The following PRPF18 variants were observed in gnomAD, a reference collection of about 807,000 sequenced individuals.
PRPF18 encodes pre-mRNA processing factor 18.
Under a neutral mutation model 46.5 loss-of-function variants are expected in PRPF18, and 38 were observed. That is an observed-to-expected ratio of 0.82 (90% CI 0.63 to 1.07). The LOEUF is 1.07. PRPF18 is among the 50% of genes least tolerant of loss of function. The probability of loss-of-function intolerance (pLI) is 0.00; values close to 1 mark genes in which losing one functional copy is unlikely to be tolerated. For missense variants in PRPF18, 263 were observed against 410.0 expected, an observed-to-expected ratio of 0.64 and a Z score of 3.10; for synonymous variants, 152 against 146.7, an observed-to-expected ratio of 1.04 and a Z score of -0.26.
intron 2 of PRPF18, among the ~76,000 whole-genome samples, chr10:13,598,011 G>A (rs1283692292): frequency 1.3e-5 from 2 of 152,050 alleles, no homozygotes; most frequent in African/African-American, 2.4e-5. Flanking sequence ...TTGTTAATAC[G>A]TCCTTTTGGG....
intron 1 of PRPF18, among the ~76,000 whole-genome samples, chr10:13,595,260 C>T (rs971694080): frequency 1.3e-5 from 2 of 152,168 alleles, no homozygotes; most frequent in Admixed American, 1.3e-4. Context: ...GAAAGAGCCT[C>T]TGTGGACCAC....
intron 8 of PRPF18, among the ~76,000 whole-genome samples, 170 bp downstream of exon 8, chr10:13,614,256 G>C (rs1296455568): frequency 6.6e-6 from 1 of 152,194 alleles, no homozygotes; most frequent in Non-Finnish European, 1.5e-5. Context: ...CAGCTTTACT[G>C]TTAGGCAGTG....
chr10:13,604,402 A>G (rs577095265), intron 3 of PRPF18, among the ~76,000 whole-genome samples: 1 of 152,362 alleles, frequency 6.6e-6, no homozygotes, highest in Admixed American at 6.5e-5. Flanking sequence ...TGTTAGGGCA[A>G]TATATGTTTG....
chr10:13,652,030 A>T, the PRPF18 span: 5 of 901,758 alleles, frequency 5.5e-6, no homozygotes, highest in Admixed American at 8.5e-5. Context: ...ACAGAGAGAC[A>T]CTGACACAGA....
chr10:13,600,107 G>A lies in PRPF18; in HGVS notation c.145-137G>A. 4.7e-6 allele frequency: 3 copies of A among 639,064 alleles called. No homozygotes were observed. The South Asian group carries it at 7.2e-5, about 15-fold the overall frequency. 39.6% of individuals were successfully genotyped at this position (639,064 alleles called of 1,614,324 possible). A position where few individuals can be genotyped will look rare whatever the true frequency, so the allele number is the denominator to read the frequency against. ...TTTTGTAAGCATGTACACTTATTGT[G>A]AGCTCTTTGCTCAGAGGAATATTAG... On this transcript the variant is annotated intron_variant, in intron 2 of 9. Coordinates refer to ENST00000378572, the MANE Select transcript of PRPF18 (RefSeq NM_003675.4).
chr10:13,647,106 C>G, the PRPF18 span: 1 of 218,922 alleles, frequency 4.6e-6, no homozygotes, highest in Non-Finnish European at 7.8e-6. Flanking sequence ...CAGGCCTGCA[C>G]TGAGAAGGAT....
chr10:13,610,482 T>A (rs2080254902), intron 5 of PRPF18, among the ~76,000 whole-genome samples: 1 of 152,236 alleles, frequency 6.6e-6, no homozygotes. Flanking sequence ...ACATAAATGA[T>A]GTTATGCTGT....
chr10:13,614,106 T>C lies in PRPF18; in HGVS notation c.792+20T>C. 2 of 1,519,296 alleles carry C rather than the reference T, an allele frequency of 1.3e-6. No individual in the cohort carries two copies. The highest frequency in any genetic ancestry group is 9.0e-7 in the Non-Finnish European group (1 of 1,115,288). 94.1% of individuals were successfully genotyped at this position (1,519,296 alleles called of 1,614,324 possible). A position where few individuals can be genotyped will look rare whatever the true frequency, so the allele number is the denominator to read the frequency against. On this transcript the variant is annotated intron_variant, in intron 8 of 9. Transcript: ENST00000378572. ...GTGAAGGTACATTCCCATGCTGTTC[T>C]TTGAAATTGTTAAGAGTATATCTAG...
At chr10:13,651,696 C>T in the PRPF18 span, 1 of 575,244 alleles carries the variant, frequency 1.7e-6, no homozygotes, top group Non-Finnish European at 3.1e-6. Flanking sequence ...CTCTGGGGGT[C>T]TTTTCTGGGA....
intron 9 of PRPF18, among the ~76,000 whole-genome samples, chr10:13,619,867 C>G (rs2080398427): frequency 1.3e-5 from 2 of 151,662 alleles, no homozygotes; most frequent in African/African-American, 4.9e-5. Flanking sequence ...AAAGTATTCT[C>G]CTATTTTTAA....
rs1212189888 is a variant in PRPF18 at position 13,616,386 on chromosome 10, C to CT, written c.793-9dup. 1.9e-6 allele frequency: 3 copies of CT among 1,597,764 alleles called. No homozygotes were observed. Among genetic ancestry groups the CT allele is most frequent in the Non-Finnish European group, 2.6e-6 (3 of 1,169,764 alleles). ...TTCGCCTTTCTGATTTCTTCTTACA[C>CT]TTTCCTTTCAGGCAAATGATGCTTA... On this transcript the variant is annotated splice_polypyrimidine_tract_variant and intron_variant, in intron 8 of 9. Coordinates refer to ENST00000378572, the MANE Select transcript of PRPF18 (RefSeq NM_003675.4).
intron 1 of PRPF18, among the ~76,000 whole-genome samples, chr10:13,596,272 T>C (rs1286075278): frequency 6.6e-6 from 1 of 152,214 alleles, no homozygotes; most frequent in East Asian, 1.9e-4. Flanking sequence ...ATTCCTCTCT[T>C]CCCTACATTT....
At chr10:13,647,017 A>T in the PRPF18 span, 1 of 972,992 alleles carries the variant, frequency 1.0e-6, no homozygotes. Flanking sequence ...AATCCAGGAA[A>T]CAGCTATCAT....
intron 9 of PRPF18, among the ~76,000 whole-genome samples, chr10:13,618,377 C>G (rs2080374652): frequency 6.6e-6 from 1 of 151,932 alleles, no homozygotes; most frequent in African/African-American, 2.4e-5. Flanking sequence ...CCTGTAATCC[C>G]AACACTTCGA....
intron 9 of PRPF18, among the ~76,000 whole-genome samples, chr10:13,627,764 A>G (rs1025573497): frequency 2.0e-5 from 3 of 152,234 alleles, no homozygotes; most frequent in African/African-American, 7.2e-5. Context: ...GAGTATAAAT[A>G]GGCATCACAC....
At chr10:13,591,441 G>A in intron 1 of PRPF18, 1 of 538,034 alleles carries the variant, frequency 1.9e-6, no homozygotes, top group East Asian at 2.9e-5. Flanking sequence ...ATTTAATTAG[G>A]TTCTTCTTAA....
At chr10:13,596,406 T>G (rs1164316660) in intron 1 of PRPF18, among the ~76,000 whole-genome samples, 2 of 152,246 alleles carry the variant, frequency 1.3e-5, no homozygotes, top group African/African-American at 4.8e-5. Context: ...ATCTTTCCAT[T>G]GTCACCATTG....
the PRPF18 span, chr10:13,651,187 C>T: frequency 6.6e-5 from 10 of 152,206 alleles, no homozygotes; most frequent in Non-Finnish European, 1.0e-4. Flanking sequence ...AGCTTTCTAA[C>T]GAGCTCCCAG....
chr10:13,600,266 A>G lies in PRPF18; in HGVS notation c.167A>G (p.Gln56Arg). Reference sequence around the variant, plus strand: ...TAGATACAGCCAAAAGAGGAGGACCAGAAACCATTAACTTCATCGAATCCA... The same window carrying G: ...TAGATACAGCCAAAAGAGGAGGACCGGAAACCATTAACTTCATCGAATCCA... ...GYKIQPKEEDQKPLTSSNPVL... is the reference protein window; with the variant it reads ...GYKIQPKEEDRKPLTSSNPVL... Residue 56 changes from glutamine to arginine, a missense_variant, in exon 3 of 10, where the codon CAG becomes CGG. This residue lies in a region of PRPF18 where 71 missense variants were observed against 69.2 expected (regional missense o/e 1.03). Transcript: ENST00000378572. The G allele has an allele frequency of 2.5e-6, 4 of 1,611,364 alleles. No individual in the cohort carries two copies. Among genetic ancestry groups the G allele is most frequent in the Non-Finnish European group, 3.4e-6 (4 of 1,178,782 alleles).
Sources: gnomAD v4.1 joint callset for allele counts (sites outside exome capture counted in the v4.1 genomes callset) on GRCh38, gnomAD v4.1.1 for gene constraint, gnomAD v4.1.1 regional missense constraint, MANE v1.5 for transcripts, NCBI Gene and HGNC (gene_info 2026-07-23, HGNC 2026-07-21) for gene names.